DAB1: variants seen among roughly 807,000 people sequenced by gnomAD.
DAB1 encodes the protein disabled homolog 1.
A neutral mutation model predicts 64.6 loss-of-function variants in DAB1; 15 were observed. The observed-to-expected ratio is 0.23, with a 90% CI of 0.16 to 0.36. The LOEUF (loss-of-function observed/expected upper bound fraction) is 0.36. DAB1 is among the 10% of genes least tolerant of loss of function. The pLI, the probability that DAB1 is intolerant of heterozygous loss-of-function variation, is 1.00. For missense variants in DAB1, 596 were observed against 706.7 expected, an observed-to-expected ratio of 0.84 and a Z score of 1.78; for synonymous variants, 235 against 251.9, an observed-to-expected ratio of 0.93 and a Z score of 0.64.
intron 5 of DAB1, among the ~76,000 whole-genome samples, chr1:58,051,547 C>T (rs1369698383): frequency 6.6e-6 from 1 of 152,148 alleles, no homozygotes; most frequent in Non-Finnish European, 1.5e-5. Flanking sequence ...ATTTATAACC[C>T]TTTGGGTATA....
chr1:58,161,517 G>A (rs556211564), intron 4 of DAB1, among the ~76,000 whole-genome samples: 10 of 152,226 alleles, frequency 6.6e-5, no homozygotes, highest in East Asian at 1.9e-4. Context: ...GAGAGTAGTC[G>A]AAGACAGGCA....
chr1:57,800,897 T>G (rs759647356), intron 6 of DAB1, among the ~76,000 whole-genome samples: 1 of 152,188 alleles, frequency 6.6e-6, no homozygotes, highest in Admixed American at 6.5e-5. Flanking sequence ...TTTAAAAATT[T>G]TATGGATTCA....
intron 3 of DAB1, among the ~76,000 whole-genome samples, chr1:58,450,866 T>C (rs1392447297): frequency 1.3e-5 from 2 of 152,176 alleles, no homozygotes; most frequent in Admixed American, 6.5e-5. Context: ...GTATCAGGTA[T>C]TCCCTGAGAT....
At chr1:57,884,233 C>T (rs1644189679), upstream of DAB1, 1 of 152,200 alleles carries the variant, frequency 6.6e-6, no homozygotes, top group African/African-American at 2.4e-5. Context: ...CAATGGTCAT[C>T]ACAATGGGGT....
At chr1:57,029,378 A>G (rs1045136721) in intron 9 of DAB1, among the ~76,000 whole-genome samples, 1 of 152,232 alleles carries the variant, frequency 6.6e-6, no homozygotes, top group Admixed American at 6.5e-5. Context: ...GGCCCTCAGG[A>G]AAACTCCTGC....
At chr1:57,899,019 CT>C (rs34816727) in intron 5 of DAB1, among the ~76,000 whole-genome samples, 43,753 of 147,506 alleles carry the variant, frequency 0.3, 6,600 homozygotes, top group Non-Finnish European at 0.32. Flanking sequence ...AAGAATGCAG[CT>C]TTTTTTTTTT....
chr1:58,166,288 A>G (rs1266743416), intron 4 of DAB1, among the ~76,000 whole-genome samples: 3 of 152,186 alleles, frequency 2.0e-5, no homozygotes, highest in Non-Finnish European at 1.5e-5. Context: ...CGCCACCCCA[A>G]AAAGATGCCT....
intron 7 of DAB1, among the ~76,000 whole-genome samples, chr1:57,458,712 TTAAG>T (rs1422162770): frequency 5.3e-5 from 8 of 152,150 alleles, no homozygotes; most frequent in Non-Finnish European, 1.2e-4. Flanking sequence ...AGAGTTGGAA[TTAAG>T]TGACGTATTA....
At chr1:57,283,417 C>T (rs1672067649) in intron 2 of DAB1, among the ~76,000 whole-genome samples, 1 of 152,284 alleles carries the variant, frequency 6.6e-6, no homozygotes, top group East Asian at 1.9e-4. Flanking sequence ...GCCTCTCAGA[C>T]ATGGTGGGAG....
chr1:57,964,756 C>T (rs1427871245), intron 5 of DAB1, among the ~76,000 whole-genome samples: 1 of 151,998 alleles, frequency 6.6e-6, no homozygotes, highest in Non-Finnish European at 1.5e-5. Flanking sequence ...TAGTCCTAGG[C>T]TATAACATAG....
At chr1:58,349,656 T>C (rs1263431621) in intron 3 of DAB1, among the ~76,000 whole-genome samples, 1 of 151,996 alleles carries the variant, frequency 6.6e-6, no homozygotes, top group Non-Finnish European at 1.5e-5. Context: ...CCCCTCCCTG[T>C]GTCCATGTGT....
chr1:57,443,177 A>G (rs1186453956), intron 7 of DAB1, among the ~76,000 whole-genome samples: 4 of 152,204 alleles, frequency 2.6e-5, no homozygotes, highest in African/African-American at 4.8e-5. Flanking sequence ...ATCTGGACTT[A>G]CTCCATCAAT....
In DAB1 at chr1:58,545,408, T is replaced by C. The variant is rs1386997222; in HGVS notation, n.32+1295A>G. ...TTTGAATAGAAACAGTGCCTGATAT[T>C]TTGTAATACCCGGTTTATCCTGAAG... On this transcript the variant is annotated intron_variant and non_coding_transcript_variant, in intron 1 of 20. Transcript: ENST00000485760. Among the ~76,000 whole-genome samples, 64 of 152,204 alleles carry C rather than the reference T, an allele frequency of 4.2e-4. 1 individual carries two copies. Among genetic ancestry groups the C allele is most frequent in the Non-Finnish European group, 1.5e-5 (1 of 68,044 alleles).
At chr1:57,967,162 G>C (rs1200572591) in intron 5 of DAB1, among the ~76,000 whole-genome samples, 1 of 152,168 alleles carries the variant, frequency 6.6e-6, no homozygotes, top group Non-Finnish European at 1.5e-5. Flanking sequence ...CTTTCCATGG[G>C]AGCCACAGCT....
chr1:58,405,822 C>T (rs1245507449), intron 3 of DAB1, among the ~76,000 whole-genome samples: 2 of 152,194 alleles, frequency 1.3e-5, no homozygotes, highest in African/African-American at 4.8e-5. Flanking sequence ...TTGGAGGAGA[C>T]TTGCCTCATT....
chr1:57,690,190 G>A (rs772725832), intron 6 of DAB1, among the ~76,000 whole-genome samples: 1 of 152,070 alleles, frequency 6.6e-6, no homozygotes, highest in African/African-American at 2.4e-5. Flanking sequence ...CCAAATCTTG[G>A]CTATTGTGAA....
At chr1:57,354,317 G>T (rs911035908) in intron 1 of DAB1, among the ~76,000 whole-genome samples, 3 of 152,090 alleles carry the variant, frequency 2.0e-5, no homozygotes, top group Non-Finnish European at 4.4e-5. Context: ...CTACTTCCAA[G>T]ATAAAAATCA....
At position 57,748,443 on chromosome 1, in the gene DAB1, T is replaced by A. The variant is rs540242746; in HGVS notation, n.552-98778A>T. Among the ~76,000 whole-genome samples the A allele has an allele frequency of 4.6e-5, 7 of 152,184 alleles. No individual in the cohort carries two copies. In the South Asian group the frequency reaches 1.5e-3, roughly 32 times the overall value. The stretch of plus-strand genomic sequence containing the variant: ...TATTACATGCCTTATAGAGTGTTTG[T>A]GCATGTTAAATAAATAAATGTATGT... On this transcript the variant is annotated intron_variant and non_coding_transcript_variant, in intron 6 of 20. Transcript: ENST00000485760.
At chr1:57,634,720 A>C (rs1002932611) in intron 7 of DAB1, among the ~76,000 whole-genome samples, 1 of 152,256 alleles carries the variant, frequency 6.6e-6, no homozygotes, top group Non-Finnish European at 1.5e-5. Flanking sequence ...CTTGTAAACA[A>C]AAAGGTATAA....
Sources: gnomAD v4.1 joint callset for allele counts (sites outside exome capture counted in the v4.1 genomes callset) on GRCh38, gnomAD v4.1.1 for gene constraint, MANE v1.5 for transcripts, NCBI Gene and HGNC (gene_info 2026-07-23, HGNC 2026-07-21) for gene names.